Variants in PCLO observed in about 807,000 individuals in gnomAD.
The protein encoded by PCLO is piccolo presynaptic cytomatrix protein.
Under a neutral mutation model 427.5 loss-of-function variants are expected in PCLO, and 82 were observed. That is an observed-to-expected ratio of 0.19 (90% CI 0.16 to 0.23). The LOEUF (loss-of-function observed/expected upper bound fraction) is 0.23, where lower values mean the gene tolerates loss of function less well. Ranked by LOEUF, PCLO falls within the 10% of genes least tolerant of loss-of-function variation. The pLI is 1.00. For missense variants in PCLO, 6,239 were observed against 6,115.9 expected, an observed-to-expected ratio of 1.02 and a Z score of -0.67; for synonymous variants, 2,357 against 2,155.4, an observed-to-expected ratio of 1.09 and a Z score of -2.59.
Position 82,847,216 on chromosome 7 carries a change from G to C in PCLO, c.13686C>G (p.Pro4562=). The C allele has an allele frequency of 6.2e-7, 1 of 1,600,558 alleles. No homozygotes were observed. Among genetic ancestry groups the C allele is most frequent in the Non-Finnish European group, 8.5e-7 (1 of 1,173,392 alleles). Residue 4562 remains proline, a synonymous_variant, in exon 11 of 25, where the codon CCC becomes CCG. Transcript: ENST00000333891. ...CTTCTTCATATGTTTTAGAAGTCAA[G>C]GGAATTCCATTCCATTCCAATACTT... is the stretch of plus-strand genomic sequence containing the variant. ...GMQVLEWNGI[P]LTSKTYEEVQ...
At chr7:82,940,152 A>C (rs2116377013) in intron 6 of PCLO, among the ~76,000 whole-genome samples, 1 of 152,336 alleles carries the variant, frequency 6.6e-6, no homozygotes, top group East Asian at 1.9e-4. Flanking sequence ...ATAATCAATG[A>C]AATCTGAGCT....
At chr7:83,028,069 C>A (rs1301747965) in intron 3 of PCLO, among the ~76,000 whole-genome samples, 5 of 150,434 alleles carry the variant, frequency 3.3e-5, no homozygotes, top group Non-Finnish European at 7.4e-5. Flanking sequence ...CCCTCTCTCA[C>A]CACTCCTATT....
At chr7:82,958,348 TCTTC>T (rs879356184) in intron 4 of PCLO, among the ~76,000 whole-genome samples, 5 of 150,612 alleles carry the variant, frequency 3.3e-5, no homozygotes, top group East Asian at 2.0e-4. Flanking sequence ...CTTCCTCCCT[TCTTC>T]CTTCCTTCCT....
At chr7:83,007,510 A>G (rs1255210310) in intron 3 of PCLO, among the ~76,000 whole-genome samples, 2 of 151,776 alleles carry the variant, frequency 1.3e-5, no homozygotes, top group East Asian at 1.9e-4. Flanking sequence ...ATTTCCAATA[A>G]TAGGGAATCA....
chr7:82,768,223 G>C (rs1790572357), intron 22 of PCLO, among the ~76,000 whole-genome samples: 1 of 152,090 alleles, frequency 6.6e-6, no homozygotes, highest in Non-Finnish European at 1.5e-5. Flanking sequence ...AGGAGTTCGA[G>C]ACCAGCCTGG....
At position 82,951,031 on chromosome 7, in the gene PCLO, G is replaced by A; in HGVS notation, c.9557C>T (p.Thr3186Ile). The change falls in exon 6 of 25, where the codon ACA becomes ATA. Residue 3186 changes from threonine to isoleucine, a missense_variant. This residue lies in a region of PCLO where 4,677 missense variants were observed against 4,468.4 expected (regional missense o/e 1.05). Transcript: ENST00000333891. Reference protein sequence around the residue: ...ETIDSVPTLTTASEVFPEVVG... With the variant: ...ETIDSVPTLTIASEVFPEVVG... ...CACTTCAGGAAACACTTCGGATGCT[G>A]TGGTTAAAGTGGGAACAGAGTCTAT... is the stretch of plus-strand genomic sequence containing the variant. 1 of 1,613,846 alleles carries A rather than the reference G, an allele frequency of 6.2e-7. No homozygotes were observed. Among genetic ancestry groups the A allele is most frequent in the Non-Finnish European group, 8.5e-7 (1 of 1,179,816 alleles).
At chr7:83,011,189 T>G (rs1788068057) in intron 3 of PCLO, among the ~76,000 whole-genome samples, 3 of 152,058 alleles carry the variant, frequency 2.0e-5, no homozygotes, top group Non-Finnish European at 1.5e-5. Context: ...TTACCTTGTC[T>G]TCTCAAAACT....
At chr7:82,875,449 A>G (rs888829621) in intron 10 of PCLO, among the ~76,000 whole-genome samples, 3 of 151,536 alleles carry the variant, frequency 2.0e-5, no homozygotes, top group African/African-American at 7.2e-5. Context: ...TCAAAAAAAG[A>G]TTGAATAAAA....
chr7:83,076,126 A>T (rs902382753), intron 3 of PCLO, among the ~76,000 whole-genome samples: 4 of 9,946 alleles, frequency 4.0e-4, no homozygotes, highest in Admixed American at 3.5e-3. Flanking sequence ...TTGGATTTAA[A>T]AAAAAAAAAA....
chr7:82,769,905 C>T (rs1488309956), intron 22 of PCLO, among the ~76,000 whole-genome samples: 1 of 152,112 alleles, frequency 6.6e-6, no homozygotes, highest in Non-Finnish European at 1.5e-5. Context: ...TTTTAAAAAC[C>T]AGGAATTCTG....
At chr7:83,088,256 A>G (rs935087425) in intron 3 of PCLO, among the ~76,000 whole-genome samples, 3 of 152,182 alleles carry the variant, frequency 2.0e-5, no homozygotes, top group South Asian at 2.1e-4. Context: ...GGGAGATGAA[A>G]AGCTGAGGAA....
At chr7:82,908,785 T>C in intron 8 of PCLO, 92 bp downstream of exon 8, 5 of 1,086,082 alleles carry the variant, frequency 4.6e-6, no homozygotes, top group South Asian at 2.9e-5. Flanking sequence ...TAAACAAACA[T>C]CTCATTCCTT....
Position 82,954,868 on chromosome 7 carries a change from T to C in PCLO, c.6085A>G (p.Ile2029Val), listed in dbSNP as rs777418674. 2.6e-5 allele frequency: 42 copies of C among 1,613,800 alleles called. No individual in the cohort carries two copies. The Admixed American group carries it at 6.7e-4, about 26-fold the overall frequency. ...SLHSVVPQED[I>V]VSSSFIIPES... ...GGGATGATAAAAGAGCTTGAAACAA[T>C]ATCTTCCTGAGGCACAACAGAATGT... The change falls in exon 5 of 25, where the codon ATT (isoleucine) becomes GTT (valine). Residue 2029 changes from isoleucine to valine, a missense_variant. This residue lies in a region of PCLO where 4,677 missense variants were observed against 4,468.4 expected (regional missense o/e 1.05). Transcript: ENST00000333891.
At chr7:82,968,001 A>G (rs1795817977) in intron 3 of PCLO, among the ~76,000 whole-genome samples, 1 of 152,230 alleles carries the variant, frequency 6.6e-6, no homozygotes, top group African/African-American at 2.4e-5. Context: ...AGATAAAAAA[A>G]TCACTTATTG....
intron 3 of PCLO, among the ~76,000 whole-genome samples, chr7:83,078,632 A>G (rs926094256): frequency 3.3e-5 from 5 of 151,868 alleles, no homozygotes; most frequent in African/African-American, 1.2e-4. Context: ...CCCGGGTTCA[A>G]GCAATTCTCC....
intron 9 of PCLO, among the ~76,000 whole-genome samples, chr7:82,897,444 A>T (rs1203077652): frequency 2.0e-5 from 3 of 151,594 alleles, no homozygotes; most frequent in Non-Finnish European, 3.0e-5. Context: ...CATACATTAC[A>T]AAATTATAAA....
At chr7:83,161,660 G>C (rs985927217) in intron 1 of PCLO, among the ~76,000 whole-genome samples, 1 of 152,172 alleles carries the variant, frequency 6.6e-6, no homozygotes, top group Non-Finnish European at 1.5e-5. Context: ...TCCCTAAACT[G>C]AAGGCCACTT....
chr7:82,869,756 C>G (rs1323005190), intron 10 of PCLO, among the ~76,000 whole-genome samples: 1 of 151,758 alleles, frequency 6.6e-6, no homozygotes, highest in African/African-American at 2.4e-5. Flanking sequence ...AAATGGTGCA[C>G]AGTAGTAGTA....
intron 10 of PCLO, among the ~76,000 whole-genome samples, chr7:82,864,453 C>G (rs906129355): frequency 6.6e-6 from 1 of 151,958 alleles, no homozygotes; most frequent in Non-Finnish European, 1.5e-5. Context: ...GTTTGTATAG[C>G]TGGAATGTGT....
Sources: gnomAD v4.1 joint callset for allele counts (sites outside exome capture counted in the v4.1 genomes callset) on GRCh38, gnomAD v4.1.1 for gene constraint, gnomAD v4.1.1 regional missense constraint, MANE v1.5 for transcripts, NCBI Gene and HGNC (gene_info 2026-07-23, HGNC 2026-07-21) for gene names.